Variants in PAPPA observed in about 807,000 individuals in gnomAD.
PAPPA encodes the protein pappalysin 1.
A neutral mutation model predicts 164.0 loss-of-function variants in PAPPA; 60 were observed. The ratio of observed to expected loss-of-function variants is 0.37; its 90% CI spans 0.30 to 0.45. PAPPA has a LOEUF of 0.45. Ranked by LOEUF, PAPPA falls within the 20% of genes least tolerant of loss-of-function variation. The probability of loss-of-function intolerance (pLI) is 1.00; values close to 1 mark genes in which losing one functional copy is unlikely to be tolerated. For synonymous variants in PAPPA, 875 were observed against 814.1 expected (o/e 1.07, Z -1.27); for missense variants, 1,782 against 2,087.3 (o/e 0.85, Z 2.85).
chr9:116,219,999 C>A lies in PAPPA; in HGVS notation c.1981C>A (p.Leu661Met), dbSNP rs748152029. 6.2e-7 allele frequency: 1 copy of A among 1,614,140 alleles called. No individual in the cohort carries two copies. Among genetic ancestry groups the A allele is most frequent in the Non-Finnish European group, 8.5e-7 (1 of 1,180,000 alleles). The change falls in exon 5 of 22, where the codon CTG (leucine) becomes ATG (methionine). Residue 661 changes from leucine (L) to methionine (M), a missense_variant. Around this residue, in one of 2 missense-constraint regions of PAPPA, gnomAD observed 1,324 missense variants for 1,656.9 expected, o/e 0.80. Coordinates refer to ENST00000328252, the MANE Select transcript of PAPPA (RefSeq NM_002581.5). ...QVARMHCYLD[L>M]VYQGWQPSRK... ...CGCCAGAATGCACTGTTACCTGGAC[C>A]TGGTCTACCAGGGCTGGCAGCCCTC...
chr9:116,266,047 G>C, intron 8 of PAPPA, 62 bp downstream of exon 8: 6 of 1,454,118 alleles, frequency 4.1e-6, no homozygotes, highest in Non-Finnish European at 5.7e-6. Flanking sequence ...AGATGGTTAG[G>C]GTGCTGAACA....
intron 6 of PAPPA, 85 bp downstream of exon 6, chr9:116,227,637 A>G (rs918106360): frequency 7.8e-6 from 11 of 1,418,638 alleles, no homozygotes; most frequent in African/African-American, 1.4e-5. Context: ...TATTATTTTT[A>G]TGGGTCTTTG....
chr9:116,353,920 A>G, intron 17 of PAPPA, 127 bp downstream of exon 17: 1 of 625,918 alleles, frequency 1.6e-6, no homozygotes, highest in Non-Finnish European at 2.7e-6. Context: ...TCCTACCCGC[A>G]ATACTGTTTT....
rs1414541139 is a variant in PAPPA at position 116,154,037 on chromosome 9, GAAAAA to G, written c.-134_-130del. 9.0e-7 allele frequency: 1 copy of G among 1,110,284 alleles called. No individual in the cohort carries two copies. Among genetic ancestry groups the G allele is most frequent in the Non-Finnish European group, 1.1e-6 (1 of 894,362 alleles). 68.8% of individuals were successfully genotyped at this position (1,110,284 alleles called of 1,614,324 possible). On this transcript the variant is annotated 5_prime_UTR_variant, in exon 1 of 22. Coordinates refer to ENST00000328252, the MANE Select transcript of PAPPA (RefSeq NM_002581.5). This position sits in a 1 kb window ranked among gnomAD's most constrained non-coding sequence, Gnocchi z 5.2. ...TTGAGGAGGAAAGCGAGAAAGAAAA[GAAAAA>G]AGCAAGTGGAAAGGGGGGCTCGCCC...
chr9:116,163,631 G>C (rs1428851252), intron 1 of PAPPA, among the ~76,000 whole-genome samples: 2 of 152,124 alleles, frequency 1.3e-5, no homozygotes, highest in Admixed American at 1.3e-4. Context: ...CTGTGAAGTT[G>C]GCAATAGTTC....
chr9:116,316,602 A>C (rs1425236970), intron 10 of PAPPA: 1 of 152,228 alleles, frequency 6.6e-6, no homozygotes, highest in Non-Finnish European at 1.5e-5. Flanking sequence ...GTGGTGGACA[A>C]AGCTCCCCGG....
At chr9:116,300,709 A>C (rs894863244) in intron 9 of PAPPA, among the ~76,000 whole-genome samples, 32 of 152,170 alleles carry the variant, frequency 2.1e-4, no homozygotes, top group Non-Finnish European at 4.3e-4. Context: ...ACTTAGCATC[A>C]TAGAAATCTG....
At chr9:116,388,183 G>A (rs1846841588) in intron 21 of PAPPA, among the ~76,000 whole-genome samples, 1 of 152,148 alleles carries the variant, frequency 6.6e-6, no homozygotes, top group African/African-American at 2.4e-5. Flanking sequence ...CTGTCTGACA[G>A]GGGTGTCCAA....
In PAPPA at chr9:116,344,539, C is replaced by G; in HGVS notation, c.3612-4C>G. The G allele has an allele frequency of 6.2e-7, 1 of 1,609,518 alleles. No individual in the cohort carries two copies. Among genetic ancestry groups the G allele is most frequent in the Non-Finnish European group, 8.5e-7 (1 of 1,176,148 alleles). ...CTTCTTCCCCTCGTTTCTTTCCTCC[C>G]CAGCTGCGTGCACTTCGCATGTGAG... is the stretch of plus-strand genomic sequence containing the variant. On this transcript the variant is annotated splice_region_variant and splice_polypyrimidine_tract_variant and intron_variant, in intron 13 of 21. Coordinates refer to ENST00000328252, the MANE Select transcript of PAPPA (RefSeq NM_002581.5).
Position 116,154,667 on chromosome 9 carries a change from G to A in PAPPA, c.415+80G>A. The A allele has an allele frequency of 8.0e-7, 1 of 1,250,528 alleles. No homozygotes were observed. The highest frequency in any genetic ancestry group is 1.0e-6 in the Non-Finnish European group (1 of 996,536). 77.5% of individuals were successfully genotyped at this position (1,250,528 alleles called of 1,614,324 possible). A position where few individuals can be genotyped will look rare whatever the true frequency, so the allele number is the denominator to read the frequency against. ...GCGGGTGTCTGGGCGCGGGTGGCGGGCGGGTCGGGGGCTTGCGGGCGTGTC... is the reference window on the plus strand; with the variant it reads ...GCGGGTGTCTGGGCGCGGGTGGCGGACGGGTCGGGGGCTTGCGGGCGTGTC... On this transcript the variant is annotated intron_variant, in intron 1 of 21. Coordinates refer to ENST00000328252, the MANE Select transcript of PAPPA (RefSeq NM_002581.5). This position sits in a 1 kb window ranked among gnomAD's most constrained non-coding sequence, Gnocchi z 5.2.
At chr9:116,216,774 C>G (rs1229994009) in intron 4 of PAPPA, among the ~76,000 whole-genome samples, 1 of 152,070 alleles carries the variant, frequency 6.6e-6, no homozygotes, top group Admixed American at 6.5e-5. Flanking sequence ...CGGAGTCTTA[C>G]TCTGTCGCCC....
chr9:116,190,936 C>T (rs759449446), intron 2 of PAPPA, among the ~76,000 whole-genome samples: 10 of 151,998 alleles, frequency 6.6e-5, no homozygotes, highest in Admixed American at 2.6e-4. Context: ...GGGTTCTGGC[C>T]GATTCAGCTC....
chr9:116,266,662 G>C (rs890345545), intron 8 of PAPPA, among the ~76,000 whole-genome samples: 1 of 152,114 alleles, frequency 6.6e-6, no homozygotes, highest in Non-Finnish European at 1.5e-5. Flanking sequence ...AGGACAAGAT[G>C]CTATGCAACT....
intron 1 of PAPPA, among the ~76,000 whole-genome samples, chr9:116,159,837 GTGATCA>G (rs1843647137): frequency 6.6e-6 from 1 of 152,176 alleles, no homozygotes; most frequent in Admixed American, 6.5e-5. Flanking sequence ...CATGAACTCA[GTGATCA>G]TCTGGGTCAA....
At chr9:116,315,276 G>A (rs184411937) in intron 10 of PAPPA, among the ~76,000 whole-genome samples, 15 of 152,178 alleles carry the variant, frequency 9.9e-5, no homozygotes, top group South Asian at 6.2e-4. Context: ...AAGAGGTCCC[G>A]AAAACCCATC....
chr9:116,278,664 TAGCATAGAATG>T (rs1554747069), intron 9 of PAPPA, among the ~76,000 whole-genome samples: 1 of 152,074 alleles, frequency 6.6e-6, no homozygotes, highest in Non-Finnish European at 1.5e-5. Context: ...GTTTTTTTTT[TAGCATAGAATG>T]TGTTTGGCAC....
chr9:116,301,194 C>A (rs1845575467), intron 9 of PAPPA, among the ~76,000 whole-genome samples: 1 of 152,060 alleles, frequency 6.6e-6, no homozygotes, highest in Non-Finnish European at 1.5e-5. Context: ...CAGATTTTCC[C>A]AGGATATGTT....
rs78081505 is a variant in PAPPA, at chr9:116,273,335, T to C, written c.2953+1919T>C. 3.9e-3 allele frequency among the ~76,000 whole-genome samples: 587 copies of C among 152,336 alleles called. 5 individuals are homozygous for C. The highest frequency in any genetic ancestry group is 0.013 in the African/African-American group (550 of 41,576). On this transcript the variant is annotated intron_variant, in intron 9 of 21. Coordinates refer to ENST00000328252, the MANE Select transcript of PAPPA (RefSeq NM_002581.5). Reference sequence around the variant, plus strand: ...TAGGCCATAGCCAGCCTGCCCCCTGTAATTGTAAATAAAGATTTATTGGAA... The same window carrying C: ...TAGGCCATAGCCAGCCTGCCCCCTGCAATTGTAAATAAAGATTTATTGGAA...
At chr9:116,199,478 G>C (rs894757501) in intron 2 of PAPPA, among the ~76,000 whole-genome samples, 2 of 152,016 alleles carry the variant, frequency 1.3e-5, no homozygotes, top group African/African-American at 4.8e-5. Flanking sequence ...CATTCCTATT[G>C]CTGTGAGACA....
Sources: gnomAD v4.1 joint callset for allele counts (sites outside exome capture counted in the v4.1 genomes callset) on GRCh38, gnomAD v4.1.1 for gene constraint, gnomAD v4.1.1 regional missense constraint, Gnocchi (gnomAD v3.1) non-coding constraint, MANE v1.5 for transcripts, NCBI Gene and HGNC (gene_info 2026-07-23, HGNC 2026-07-21) for gene names.